Variants in INPP4B observed in about 807,000 individuals in gnomAD.
INPP4B encodes the protein inositol polyphosphate 4-phosphatase type II.
In INPP4B, 55 loss-of-function variants were observed where a neutral mutation model predicts 122.5. The ratio of observed to expected loss-of-function variants is 0.45; its 90% CI spans 0.36 to 0.56. The LOEUF (loss-of-function observed/expected upper bound fraction) is 0.56, where lower values mean the gene tolerates loss of function less well. Ranked by LOEUF, INPP4B falls within the 20% of genes least tolerant of loss-of-function variation. The pLI is 0.00. For missense variants in INPP4B, 1,000 were observed against 1,097.7 expected (o/e 0.91, Z 1.26); for synonymous variants, 403 against 388.7 (o/e 1.04, Z -0.43).
intron 3 of INPP4B, among the ~76,000 whole-genome samples, chr4:142,432,860 G>A (rs548538011): frequency 4.6e-5 from 7 of 152,176 alleles, no homozygotes; most frequent in Non-Finnish European, 5.9e-5. Flanking sequence ...TAACACCTCA[G>A]CACACTATCG....
At chr4:142,403,681 C>T (rs1406546363) in intron 6 of INPP4B, among the ~76,000 whole-genome samples, 2 of 152,114 alleles carry the variant, frequency 1.3e-5, no homozygotes, top group African/African-American at 2.4e-5. Context: ...GAGCTGACAT[C>T]CAGCATTAAA....
At chr4:142,468,600 G>A (rs1354905403) in intron 2 of INPP4B, among the ~76,000 whole-genome samples, 1 of 152,072 alleles carries the variant, frequency 6.6e-6, no homozygotes, top group African/African-American at 2.4e-5. Context: ...CACTTTGTTA[G>A]TTTCCACAAG....
chr4:142,309,697 G>A (rs13110884), intron 8 of INPP4B, among the ~76,000 whole-genome samples: 351 of 152,300 alleles, frequency 2.3e-3, no homozygotes, highest in Non-Finnish European at 3.9e-3. Flanking sequence ...CTCTCTGCCT[G>A]CACGACATGC....
chr4:142,618,222 G>GAA (rs138548089), intron 2 of INPP4B, among the ~76,000 whole-genome samples: 11 of 147,808 alleles, frequency 7.4e-5, no homozygotes, highest in Admixed American at 6.7e-4. Flanking sequence ...TACTGAAATA[G>GAA]AAAAAAAAAA....
intron 2 of INPP4B, among the ~76,000 whole-genome samples, chr4:142,564,125 T>C (rs1381992365): frequency 6.6e-6 from 1 of 152,190 alleles, no homozygotes; most frequent in Non-Finnish European, 1.5e-5. Flanking sequence ...TATTAACCCA[T>C]TTTGCTAAAA....
At chr4:142,216,625 T>G (rs995644958) in intron 12 of INPP4B, among the ~76,000 whole-genome samples, 25 of 152,354 alleles carry the variant, frequency 1.6e-4, no homozygotes, top group African/African-American at 5.8e-4. Context: ...TTTGTCTTAC[T>G]GTGTTTAAAT....
chr4:142,770,688 G>T (rs534156619), intron 1 of INPP4B, among the ~76,000 whole-genome samples: 5 of 152,228 alleles, frequency 3.3e-5, no homozygotes, highest in Admixed American at 3.3e-4. Context: ...ATTAGAAAAA[G>T]AATGAAAGAG....
chr4:142,199,403 T>A (rs1839750212), intron 14 of INPP4B, among the ~76,000 whole-genome samples: 1 of 151,998 alleles, frequency 6.6e-6, no homozygotes, highest in African/African-American at 2.4e-5. Context: ...GTGTATGTAA[T>A]ATGTATATAT....
At chr4:142,678,811 G>A (rs1758173596) in intron 2 of INPP4B, among the ~76,000 whole-genome samples, 2 of 151,798 alleles carry the variant, frequency 1.3e-5, no homozygotes, top group Admixed American at 1.3e-4. Context: ...AAAGTTGAAT[G>A]TCTCATCTAC....
intron 2 of INPP4B, among the ~76,000 whole-genome samples, chr4:142,640,336 T>C (rs1052953028): frequency 2.0e-5 from 3 of 152,216 alleles, no homozygotes; most frequent in Admixed American, 2.0e-4. Flanking sequence ...TATGTGGTAC[T>C]GGTACAAGGC....
Position 142,838,149 on chromosome 4 carries a change from G to A in INPP4B, c.-254+8060C>T, listed in dbSNP as rs148793636. 8.6e-5 allele frequency among the ~76,000 whole-genome samples: 13 copies of A among 151,546 alleles called. No individual in the cohort carries two copies. The East Asian group carries it at 2.3e-3, about 27-fold the overall frequency. On this transcript the variant is annotated intron_variant, in intron 1 of 25. Transcript: ENST00000262992. ...TGAATTGAACTATAGAATTCTAAGC[G>A]ACAAAAAGCAGGCATTCATTTTTCA... is the stretch of plus-strand genomic sequence containing the variant.
chr4:142,543,756 T>C (rs1829211995), intron 2 of INPP4B, among the ~76,000 whole-genome samples: 1 of 152,178 alleles, frequency 6.6e-6, no homozygotes, highest in African/African-American at 2.4e-5. Flanking sequence ...ATATATATTG[T>C]ATATAGTTAG....
chr4:142,818,962 T>C (rs1013044665), intron 1 of INPP4B, among the ~76,000 whole-genome samples: 1 of 152,280 alleles, frequency 6.6e-6, no homozygotes. Context: ...TCCAATTTGG[T>C]TTATTGCCTT....
chr4:142,338,996 G>A (rs181491140), intron 7 of INPP4B, among the ~76,000 whole-genome samples: 7 of 152,164 alleles, frequency 4.6e-5, no homozygotes, highest in South Asian at 2.1e-4. Context: ...GAAGGAGGTC[G>A]GAACATACCT....
intron 7 of INPP4B, among the ~76,000 whole-genome samples, chr4:142,343,161 G>T (rs547469862): frequency 1.3e-5 from 2 of 152,190 alleles, no homozygotes; most frequent in East Asian, 3.9e-4. Flanking sequence ...TTTATGTGCT[G>T]TCAACTCAAA....
intron 2 of INPP4B, among the ~76,000 whole-genome samples, chr4:142,623,998 T>C (rs1013915775): frequency 1.3e-5 from 2 of 152,170 alleles, no homozygotes; most frequent in Non-Finnish European, 2.9e-5. Flanking sequence ...TTCCAAGTCT[T>C]TGCTATCGTG....
At chr4:142,129,674 C>G (rs1800322963) in intron 18 of INPP4B, among the ~76,000 whole-genome samples, 1 of 152,260 alleles carries the variant, frequency 6.6e-6, no homozygotes, top group East Asian at 1.9e-4. Context: ...TTGGCTGCTT[C>G]GAATGTTTTC....
chr4:142,461,683 C>T (rs1235916834), intron 3 of INPP4B, among the ~76,000 whole-genome samples: 4 of 152,156 alleles, frequency 2.6e-5, no homozygotes, highest in Non-Finnish European at 5.9e-5. Flanking sequence ...AGGCCAGTCT[C>T]AGGTACAAAA....
chr4:142,627,783 G>T (rs1746835336), intron 2 of INPP4B, among the ~76,000 whole-genome samples: 1 of 152,164 alleles, frequency 6.6e-6, no homozygotes, highest in Non-Finnish European at 1.5e-5. Context: ...GAGTTAGGAG[G>T]ATTCCCTCTT....
Sources: allele counts gnomAD v4.1 joint callset (sites outside exome capture counted in the v4.1 genomes callset), GRCh38; gene constraint gnomAD v4.1.1; transcripts MANE v1.5; gene names NCBI Gene and HGNC (gene_info 2026-07-23, HGNC 2026-07-21).